Variants in ITGA9 observed in about 807,000 individuals in gnomAD.
The protein encoded by ITGA9 is integrin subunit alpha 9.
In ITGA9, 56 loss-of-function variants were observed where a neutral mutation model predicts 127.8. The ratio of observed to expected loss-of-function variants is 0.44; its 90% CI spans 0.35 to 0.55. The LOEUF is 0.55. Ranked by LOEUF, ITGA9 falls within the 20% of genes least tolerant of loss-of-function variation. ITGA9 has a pLI of 0.00. For synonymous variants in ITGA9, 508 were observed against 514.5 expected (o/e 0.99, Z 0.17); for missense variants, 1,196 against 1,347.1 (o/e 0.89, Z 1.76).
chr3:37,685,203 T>A (rs1338512235), intron 18 of ITGA9, among the ~76,000 whole-genome samples: 1 of 152,194 alleles, frequency 6.6e-6, no homozygotes, highest in Non-Finnish European at 1.5e-5. Context: ...TTCAGGCACA[T>A]ATTCTGTGGC....
At chr3:37,740,990 A>C (rs759224279) in intron 20 of ITGA9, among the ~76,000 whole-genome samples, 30 of 152,262 alleles carry the variant, frequency 2.0e-4, no homozygotes, top group Non-Finnish European at 4.1e-4. Flanking sequence ...TTGGCTGTCC[A>C]TGGATGATGG....
At position 37,506,232 on chromosome 3, in the gene ITGA9, C is replaced by T. The variant is rs139818549; in HGVS notation, c.828+147C>T. 1,507 of 709,534 alleles carry T rather than the reference C, an allele frequency of 2.1e-3. 9 individuals carry two copies. In the African/African-American group the frequency reaches 0.024, roughly 11 times the overall value. The allele number at this position is 709,534 out of a possible 1,614,324, so 44.0% of individuals were successfully genotyped here. ...GTGATGAGGAACCCCCTGACTGCCC[C>T]ACTCCATTGGAAAGTTTCCCTTGAA... On this transcript the variant is annotated intron_variant, in intron 7 of 27. Transcript: ENST00000264741.
chr3:37,588,639 A>G (rs552230499), intron 15 of ITGA9, among the ~76,000 whole-genome samples: 1 of 152,306 alleles, frequency 6.6e-6, no homozygotes, highest in South Asian at 2.1e-4. Context: ...GCCCCTTGCA[A>G]AGAAATAACC....
intron 25 of ITGA9, among the ~76,000 whole-genome samples, chr3:37,781,461 G>T (rs1446745761): frequency 1.3e-5 from 2 of 152,132 alleles, no homozygotes; most frequent in Non-Finnish European, 2.9e-5. Context: ...TTTAAATGAC[G>T]GTTTGTTTTG....
chr3:37,696,568 G>A (rs949435687), intron 18 of ITGA9, among the ~76,000 whole-genome samples: 2 of 152,088 alleles, frequency 1.3e-5, no homozygotes, highest in African/African-American at 4.8e-5. Context: ...AGACCATTTG[G>A]TATATATAAT....
chr3:37,470,745 C>T (rs1422156930), intron 1 of ITGA9, among the ~76,000 whole-genome samples: 1 of 152,140 alleles, frequency 6.6e-6, no homozygotes, highest in Non-Finnish European at 1.5e-5. Context: ...CTCAAGCGAT[C>T]CACCCGCCTC....
At chr3:37,537,394 A>G (rs1475904026) in intron 14 of ITGA9, among the ~76,000 whole-genome samples, 1 of 152,158 alleles carries the variant, frequency 6.6e-6, no homozygotes, top group African/African-American at 2.4e-5. Context: ...CCTCACAGCA[A>G]GCCTCTGGCA....
chr3:37,554,501 G>A (rs1224512542), intron 15 of ITGA9, among the ~76,000 whole-genome samples: 2 of 152,030 alleles, frequency 1.3e-5, no homozygotes, highest in Admixed American at 6.5e-5. Context: ...GGGCAGGGTG[G>A]TGACCTGGCC....
chr3:37,600,095 A>G (rs938061534), intron 15 of ITGA9, among the ~76,000 whole-genome samples: 6 of 152,194 alleles, frequency 3.9e-5, no homozygotes, highest in Non-Finnish European at 8.8e-5. Context: ...GAAGATGGGC[A>G]TTTCATCCTT....
chr3:37,748,322 C>A, intron 22 of ITGA9: 1 of 570,112 alleles, frequency 1.8e-6, no homozygotes, highest in Non-Finnish European at 3.3e-6. Flanking sequence ...ACCCAGCATG[C>A]TGTTGGCATT....
intron 5 of ITGA9, among the ~76,000 whole-genome samples, chr3:37,494,873 G>A (rs901552751): frequency 6.6e-6 from 1 of 152,190 alleles, no homozygotes; most frequent in Non-Finnish European, 1.5e-5. Context: ...GGATGTGTGA[G>A]TGAGATGACA....
chr3:37,560,570 A>G (rs1196094931), intron 15 of ITGA9, among the ~76,000 whole-genome samples: 1 of 152,158 alleles, frequency 6.6e-6, no homozygotes, highest in East Asian at 1.9e-4. Context: ...TCCCGCCAAC[A>G]GTGTAAAAGT....
intron 15 of ITGA9, among the ~76,000 whole-genome samples, chr3:37,581,417 C>G (rs1193712485): frequency 1.3e-5 from 2 of 152,168 alleles, no homozygotes; most frequent in African/African-American, 4.8e-5. Flanking sequence ...GACAGTGTAG[C>G]CCAGGACTGT....
chr3:37,504,767 C>T (rs1422260834), intron 6 of ITGA9, among the ~76,000 whole-genome samples: 2 of 152,136 alleles, frequency 1.3e-5, no homozygotes, highest in African/African-American at 2.4e-5. Context: ...TCAGAATACT[C>T]TTAGGTACTA....
rs114237588 is a variant in ITGA9 at position 37,584,763 on chromosome 3, A to T, written c.1689+42178A>T. 8.8e-3 allele frequency among the ~76,000 whole-genome samples: 1,338 copies of T among 152,084 alleles called. 21 individuals carry two copies. Among genetic ancestry groups the T allele is most frequent in the African/African-American group, 0.03 (1,250 of 41,458 alleles). On this transcript the variant is annotated intron_variant, in intron 15 of 27. Coordinates refer to ENST00000264741, the MANE Select transcript of ITGA9 (RefSeq NM_002207.3). ...GAGTGAGACTCCATCTCAAATAATAATAATATTATTATTAATAATAATACA... is the reference window on the plus strand; with the variant it reads ...GAGTGAGACTCCATCTCAAATAATATTAATATTATTATTAATAATAATACA...
chr3:37,514,860 C>G (rs1698967983), intron 9 of ITGA9, among the ~76,000 whole-genome samples: 1 of 152,104 alleles, frequency 6.6e-6, no homozygotes, highest in South Asian at 2.1e-4. Context: ...GCCACCACGC[C>G]TGGCCAATAA....
At chr3:37,785,221 T>G (rs1478235746) in intron 26 of ITGA9, 143 bp downstream of exon 26, 4 of 704,790 alleles carry the variant, frequency 5.7e-6, no homozygotes, top group Non-Finnish European at 1.0e-5. Context: ...TATGCCTGCC[T>G]TGGCTTCCAG....
At chr3:37,606,850 G>C (rs900146496) in intron 15 of ITGA9, among the ~76,000 whole-genome samples, 3 of 151,618 alleles carry the variant, frequency 2.0e-5, no homozygotes, top group Non-Finnish European at 2.9e-5. Flanking sequence ...GAGAGTATTT[G>C]TCACTTCCTA....
At position 37,777,425 on chromosome 3, in the gene ITGA9, A is replaced by G; in HGVS notation, c.2575A>G (p.Lys859Glu). The change falls in exon 24 of 28, where the codon AAA (lysine) becomes GAA (glutamate). Residue 859 changes from lysine to glutamate, a missense_variant. Physicochemically the swap from Lys to Glu is moderately conservative, Grantham distance 56. Transcript: ENST00000264741. ...AGAGAAGGGAAACTGCTCTTTCCAG[A>G]AAAACCCAACTCCCTGCATCATCCC... ...GQEKGNCSFQ[K>E]NPTPCIIPQE... The G allele has an allele frequency of 1.2e-6, 2 of 1,614,184 alleles. No homozygotes were observed. The highest frequency in any genetic ancestry group is 2.7e-5 in the African/African-American group (2 of 75,052).
Sources: gnomAD v4.1 joint callset for allele counts (sites outside exome capture counted in the v4.1 genomes callset) on GRCh38, gnomAD v4.1.1 for gene constraint, MANE v1.5 for transcripts, NCBI Gene and HGNC (gene_info 2026-07-23, HGNC 2026-07-21) for gene names.